Variants in DOCK1 observed in about 807,000 individuals in gnomAD.
DOCK1 encodes dedicator of cytokinesis protein 1.
Under a neutral mutation model 262.7 loss-of-function variants are expected in DOCK1, and 138 were observed. The observed-to-expected ratio is 0.53, with a 90% CI of 0.46 to 0.61. The LOEUF (loss-of-function observed/expected upper bound fraction) is 0.61, where lower values mean the gene tolerates loss of function less well. Ranked by LOEUF, DOCK1 falls within the 20% of genes least tolerant of loss-of-function variation. The pLI, the probability that DOCK1 is intolerant of heterozygous loss-of-function variation, is 0.00. For missense variants in DOCK1, 1,908 were observed against 2,370.7 expected (o/e 0.80, Z 4.05); for synonymous variants, 866 against 867.4 (o/e 1.00, Z 0.03).
chr10:127,299,487 G>A (rs188445116), intron 29 of DOCK1, among the ~76,000 whole-genome samples: 90 of 152,332 alleles, frequency 5.9e-4, no homozygotes, highest in Non-Finnish European at 1.1e-3. Context: ...CTGTGTGACC[G>A]TGGAGGTGGA....
chr10:127,137,905 A>C, intron 27 of DOCK1: 1 of 1,614,104 alleles, frequency 6.2e-7, no homozygotes, highest in South Asian at 1.1e-5. Context: ...TTGGGAGTTG[A>C]GGAGTAAGTC....
chr10:127,432,248 C>T (rs1429886760), intron 47 of DOCK1, among the ~76,000 whole-genome samples: 1 of 152,152 alleles, frequency 6.6e-6, no homozygotes, highest in Non-Finnish European at 1.5e-5. Context: ...ATAGTTTACA[C>T]ATCAAATGCT....
chr10:127,428,829 CGTGTGG>C (rs2069030460), intron 47 of DOCK1, among the ~76,000 whole-genome samples: 1 of 108,616 alleles, frequency 9.2e-6, no homozygotes, highest in Non-Finnish European at 1.8e-5. Context: ...ATTGGGGTAC[CGTGTGG>C]ATTGTGCCGT....
At chr10:126,925,795 G>A (rs1194025360) in intron 1 of DOCK1, among the ~76,000 whole-genome samples, 1 of 148,150 alleles carries the variant, frequency 6.7e-6, no homozygotes, top group African/African-American at 2.5e-5. Context: ...TGCAGAAATA[G>A]GTCTACAACT....
At chr10:127,417,405 G>A (rs1442576721) in intron 44 of DOCK1, among the ~76,000 whole-genome samples, 1 of 152,156 alleles carries the variant, frequency 6.6e-6, no homozygotes, top group African/African-American at 2.4e-5. Flanking sequence ...GAGAAAGAGG[G>A]TGGAGGTCCC....
intron 21 of DOCK1, among the ~76,000 whole-genome samples, chr10:127,050,364 AATAG>A (rs1185430211): frequency 6.6e-6 from 1 of 151,556 alleles, no homozygotes; most frequent in Non-Finnish European, 1.5e-5. Context: ...TATTATATAT[AATAG>A]ATATTTCCAA....
At chr10:127,367,788 A>G (rs939738531) in intron 33 of DOCK1, among the ~76,000 whole-genome samples, 1 of 152,256 alleles carries the variant, frequency 6.6e-6, no homozygotes, top group East Asian at 1.9e-4. Context: ...CGCTCTTGCA[A>G]TCTCACACCT....
At chr10:127,078,159 TA>T (rs1212587846) in intron 23 of DOCK1, among the ~76,000 whole-genome samples, 1 of 152,226 alleles carries the variant, frequency 6.6e-6, no homozygotes, top group Non-Finnish European at 1.5e-5. Flanking sequence ...AAATAAAGGT[TA>T]AGATCTTCCA....
chr10:127,083,361 G>T (rs781450354), intron 23 of DOCK1, among the ~76,000 whole-genome samples: 12 of 152,286 alleles, frequency 7.9e-5, no homozygotes, highest in Non-Finnish European at 1.2e-4. Context: ...TGGCTCCTTG[G>T]TGGGGCATTG....
chr10:127,104,466 T>C (rs932551316), intron 23 of DOCK1, among the ~76,000 whole-genome samples: 2 of 152,246 alleles, frequency 1.3e-5, no homozygotes, highest in Non-Finnish European at 2.9e-5. Flanking sequence ...GCATGAAGTT[T>C]ATTTATTTGC....
intron 1 of DOCK1, among the ~76,000 whole-genome samples, chr10:126,964,775 G>T (rs1034839432): frequency 2.0e-3 from 307 of 152,314 alleles, no homozygotes; most frequent in Non-Finnish European, 3.4e-3. Context: ...CTGATGGCAG[G>T]TGGGCTATCT....
chr10:126,950,839 A>C (rs1429687530), intron 1 of DOCK1, among the ~76,000 whole-genome samples: 1 of 152,132 alleles, frequency 6.6e-6, no homozygotes, highest in African/African-American at 2.4e-5. Flanking sequence ...GGGCAGAATG[A>C]AGTTTAACTC....
rs558281938 is a variant in DOCK1, at chr10:127,278,653, C to A, written c.3044+21224C>A. Among the ~76,000 whole-genome samples the A allele has an allele frequency of 1.7e-4, 26 of 152,342 alleles. No homozygotes were observed. The Middle Eastern group carries it at 0.01, about 60-fold the overall frequency. ...ATCACCCAGCAAAGCACCACTCAGGCTGTGAGGCTGGCCACGCACAGGGAG... is the reference window on the plus strand; with the variant it reads ...ATCACCCAGCAAAGCACCACTCAGGATGTGAGGCTGGCCACGCACAGGGAG... On this transcript the variant is annotated intron_variant, in intron 29 of 51. Coordinates refer to ENST00000623213, the MANE Select transcript of DOCK1 (RefSeq NM_001290223.2).
chr10:126,907,295 A>T (rs1486790525), intron 1 of DOCK1, among the ~76,000 whole-genome samples: 4 of 152,126 alleles, frequency 2.6e-5, no homozygotes, highest in Non-Finnish European at 5.9e-5. Context: ...CAGGAGAGGC[A>T]GGAGGCTGGC....
intron 27 of DOCK1, among the ~76,000 whole-genome samples, chr10:127,242,879 T>C (rs1392586045): frequency 6.6e-6 from 1 of 152,196 alleles, no homozygotes; most frequent in East Asian, 1.9e-4. Context: ...TTCAGGGTTC[T>C]CCTTTTATTG....
At chr10:126,976,073 G>C (rs969108182) in intron 2 of DOCK1, among the ~76,000 whole-genome samples, 1 of 152,324 alleles carries the variant, frequency 6.6e-6, no homozygotes, top group Middle Eastern at 3.4e-3. Flanking sequence ...GACAGTTGTT[G>C]AAACTGAGTA....
intron 25 of DOCK1, 148 bp downstream of exon 25, chr10:127,110,502 A>T (rs1166819126): frequency 1.4e-6 from 1 of 696,978 alleles, no homozygotes; most frequent in South Asian, 1.8e-5. Flanking sequence ...TTTAGCCCTT[A>T]CAAGAGAAGG....
intron 29 of DOCK1, among the ~76,000 whole-genome samples, chr10:127,330,230 T>A (rs1231235099): frequency 6.6e-6 from 1 of 152,132 alleles, no homozygotes; most frequent in Admixed American, 6.5e-5. Flanking sequence ...ATATCAGAAT[T>A]GAATCACAAC....
chr10:127,407,321 G>C (rs11017912), intron 40 of DOCK1, among the ~76,000 whole-genome samples: 4,141 of 152,174 alleles, frequency 0.027, 74 homozygotes, highest in Non-Finnish European at 0.045. Flanking sequence ...AGTCTGGGGA[G>C]GGCCATTCCT....
Sources: gnomAD v4.1 joint callset for allele counts (sites outside exome capture counted in the v4.1 genomes callset) on GRCh38, gnomAD v4.1.1 for gene constraint, MANE v1.5 for transcripts, NCBI Gene and HGNC (gene_info 2026-07-23, HGNC 2026-07-21) for gene names.